The following POLR2B variants were observed in gnomAD, a reference collection of about 807,000 sequenced individuals.
The protein encoded by POLR2B is RNA polymerase II subunit B, also known as DNA-directed RNA polymerase II subunit RPB2.
In POLR2B, 57 loss-of-function variants were observed where a neutral mutation model predicts 144.6. That is an observed-to-expected ratio of 0.39 (90% CI 0.32 to 0.49). The LOEUF (loss-of-function observed/expected upper bound fraction) is 0.49. Ranked by LOEUF, POLR2B falls within the 20% of genes least tolerant of loss-of-function variation. POLR2B has a pLI of 0.83. For missense variants in POLR2B, 595 were observed against 1,467.4 expected (o/e 0.41, Z 9.71); for synonymous variants, 442 against 469.8 (o/e 0.94, Z 0.77).
At chr4:57,020,419 AT>A (rs1488438015) in intron 16 of POLR2B, among the ~76,000 whole-genome samples, 1 of 152,098 alleles carries the variant, frequency 6.6e-6, no homozygotes, top group African/African-American at 2.4e-5. Flanking sequence ...AAGATATGAT[AT>A]TTTCTTGGTG....
At chr4:57,030,452 G>C in intron 24 of POLR2B, 53 bp downstream of exon 24, 3 of 1,360,022 alleles carry the variant, frequency 2.2e-6, no homozygotes, top group Non-Finnish European at 3.1e-6. Context: ...AACTGTGTTG[G>C]TCTGATTATC....
At chr4:57,022,790 A>G (rs1201255764) in intron 18 of POLR2B, among the ~76,000 whole-genome samples, 1 of 152,232 alleles carries the variant, frequency 6.6e-6, no homozygotes, top group East Asian at 1.9e-4. Context: ...TTGACTCTGA[A>G]TAGCATTGCA....
In POLR2B at chr4:57,023,636, A is replaced by G. The variant is rs991639062; in HGVS notation, c.2767-26A>G. 21 of 1,610,640 alleles carry G rather than the reference A, an allele frequency of 1.3e-5. No homozygotes were observed. The highest frequency in any genetic ancestry group is 1.8e-5 in the Non-Finnish European group (21 of 1,177,674). ...TTAGAAAGTAAACCAAATCCACTTA[A>G]CTAACTTATTTTTATATGAATTTAG... is the stretch of plus-strand genomic sequence containing the variant. On this transcript the variant is annotated intron_variant, in intron 19 of 24. Transcript: ENST00000314595. The surrounding 1 kb of genome is among the most constrained non-coding windows in gnomAD (Gnocchi z 4.3).
chr4:56,997,015 C>G (rs909379737), intron 6 of POLR2B, among the ~76,000 whole-genome samples: 1 of 152,098 alleles, frequency 6.6e-6, no homozygotes, highest in Non-Finnish European at 1.5e-5. Flanking sequence ...GGGAAGATGG[C>G]TTGAGTGCTG....
intron 7 of POLR2B, among the ~76,000 whole-genome samples, chr4:57,000,324 G>A (rs544468342): frequency 9.8e-5 from 15 of 152,294 alleles, no homozygotes; most frequent in South Asian, 4.1e-4. Flanking sequence ...CAGCTACTGC[G>A]GAGGCTGAGT....
rs1373903510 is a variant in POLR2B at position 56,986,376 on chromosome 4, T to G, written c.42T>G (p.Asp14Glu). 1.2e-6 allele frequency: 2 copies of G among 1,611,702 alleles called. No individual in the cohort carries two copies. The highest frequency in any genetic ancestry group is 1.7e-6 in the Non-Finnish European group (2 of 1,177,972). The change falls in exon 2 of 25, where the codon GAT (aspartate) becomes GAG (glutamate). Residue 14 changes from aspartate (D) to glutamate (E), a missense_variant. By Grantham distance (45) the Asp-to-Glu change is conservative (BLOSUM62 2). Transcript: ENST00000314595. Reference sequence around the variant, plus strand: ...CAGATATGCAATATGATGAGGATGATGATGAAATCACCCCGGATTTGTGGC... The same window carrying G: ...CAGATATGCAATATGATGAGGATGAGGATGAAATCACCCCGGATTTGTGGC... The part of the protein sequence containing the change: ...ADEDMQYDED[D>E]DEITPDLWQE...
At chr4:57,001,276 A>G (rs1560476531) in intron 7 of POLR2B, among the ~76,000 whole-genome samples, 1 of 151,958 alleles carries the variant, frequency 6.6e-6, no homozygotes, top group African/African-American at 2.4e-5. Flanking sequence ...CTCCTGCCTC[A>G]GCCTTGTGAG....
intron 1 of POLR2B, among the ~76,000 whole-genome samples, 177 bp downstream of exon 1, chr4:56,979,181 G>A (rs1248872245): frequency 6.6e-6 from 1 of 152,140 alleles, no homozygotes; most frequent in Non-Finnish European, 1.5e-5. Context: ...GAGGGTGCAG[G>A]GAACATAGTG....
intron 3 of POLR2B, among the ~76,000 whole-genome samples, chr4:56,993,774 A>C (rs1462201221): frequency 6.6e-6 from 1 of 152,158 alleles, no homozygotes; most frequent in African/African-American, 2.4e-5. Flanking sequence ...TTCTTTTGTT[A>C]ACTCTACTCC....
chr4:56,979,026 AC>A (rs1323124902), intron 1 of POLR2B, 22 bp downstream of exon 1: 6 of 1,611,870 alleles, frequency 3.7e-6, no homozygotes, highest in Non-Finnish European at 5.1e-6. Context: ...CTCAAAACAC[AC>A]GCCGTGGCGG....
intron 16 of POLR2B, among the ~76,000 whole-genome samples, chr4:57,019,887 T>C (rs1414152440): frequency 1.3e-5 from 2 of 151,952 alleles, no homozygotes; most frequent in Non-Finnish European, 2.9e-5. Flanking sequence ...TTTAGTTTCC[T>C]TAATCTAGAA....
intron 5 of POLR2B, 77 bp downstream of exon 5, chr4:56,994,943 A>AG: frequency 1.1e-6 from 1 of 871,354 alleles, no homozygotes; most frequent in Non-Finnish European, 1.7e-6. Flanking sequence ...AAAAAAAAAA[A>AG]AAAGAAAGAA....
chr4:57,021,015 G>T lies in POLR2B; in HGVS notation c.2420+20G>T, dbSNP rs1450725396. 2 of 1,332,998 alleles carry T rather than the reference G, an allele frequency of 1.5e-6. No individual in the cohort carries two copies. Among genetic ancestry groups the T allele is most frequent in the Non-Finnish European group, 2.2e-6 (2 of 924,576 alleles). 82.6% of individuals were successfully genotyped at this position (1,332,998 alleles called of 1,614,324 possible). On this transcript the variant is annotated intron_variant, in intron 17 of 24. Coordinates refer to ENST00000314595, the MANE Select transcript of POLR2B (RefSeq NM_000938.3). ...CTTCAGGTTAGTATTTTGTAAATTTGTCAAAACACAGATACAGTGGAAACA... is the reference window on the plus strand; with the variant it reads ...CTTCAGGTTAGTATTTTGTAAATTTTTCAAAACACAGATACAGTGGAAACA...
chr4:56,983,376 T>C (rs1449969676), intron 1 of POLR2B, among the ~76,000 whole-genome samples: 2 of 148,506 alleles, frequency 1.3e-5, no homozygotes, highest in East Asian at 2.0e-4. Context: ...AGGTTTTTTT[T>C]TTTTTTTTTT....
At position 57,019,424 on chromosome 4, in the gene POLR2B, CA is replaced by C. The variant is rs1167306702; in HGVS notation, c.2324-1472del. On this transcript the variant is annotated intron_variant, in intron 16 of 24. Transcript: ENST00000314595. Reference sequence around the variant, plus strand: ...TCTACTTTGTTGCCCAGGCTGGTCTCAAACTTCTGGGCTCAAGTGATTTTCC... The same window carrying C: ...TCTACTTTGTTGCCCAGGCTGGTCTCAACTTCTGGGCTCAAGTGATTTTCC... Among the ~76,000 whole-genome samples, 5 of 151,536 alleles carry C rather than the reference CA, an allele frequency of 3.3e-5. No individual in the cohort carries two copies. In the East Asian group the frequency reaches 9.7e-4, roughly 29 times the overall value.
At chr4:56,988,182 G>A (rs1189774753) in intron 2 of POLR2B, among the ~76,000 whole-genome samples, 3 of 152,132 alleles carry the variant, frequency 2.0e-5, no homozygotes, top group Non-Finnish European at 2.9e-5. Flanking sequence ...AGAAGGGGCC[G>A]GGGCGGCAGT....
intron 1 of POLR2B, among the ~76,000 whole-genome samples, chr4:56,984,558 A>G (rs1722259508): frequency 6.6e-6 from 1 of 152,114 alleles, no homozygotes; most frequent in Non-Finnish European, 1.5e-5. Context: ...TTTTTCCACC[A>G]TCTTACTTGC....
intron 3 of POLR2B, among the ~76,000 whole-genome samples, chr4:56,991,959 G>T (rs1722519768): frequency 6.6e-6 from 1 of 152,026 alleles, no homozygotes; most frequent in South Asian, 2.1e-4. Context: ...CACCTGGCTT[G>T]TTGGGTCATT....
rs566500367 is a variant in POLR2B at position 57,031,050 on chromosome 4, T to G, written c.*62T>G. ...TGGTGTCTTGTTTCTATTGTGTGGC[T>G]TTTTAAAAATGACAAATATGTACTG... On this transcript the variant is annotated 3_prime_UTR_variant, in exon 25 of 25. Transcript: ENST00000314595. 2.9e-6 allele frequency: 3 copies of G among 1,051,210 alleles called. No individual in the cohort carries two copies. In the East Asian group the frequency reaches 7.1e-5, roughly 25 times the overall value. The allele number at this position is 1,051,210 out of a possible 1,614,324, so 65.1% of individuals were successfully genotyped here.
Sources: gnomAD v4.1 joint callset for allele counts (sites outside exome capture counted in the v4.1 genomes callset) on GRCh38, gnomAD v4.1.1 for gene constraint, Gnocchi (gnomAD v3.1) non-coding constraint, MANE v1.5 for transcripts, NCBI Gene and HGNC (gene_info 2026-07-23, HGNC 2026-07-21) for gene names.